SEPTIN9: variants seen among roughly 807,000 people sequenced by gnomAD.
The protein encoded by SEPTIN9 is septin-9.
Under a neutral mutation model 56.6 loss-of-function variants are expected in SEPTIN9, and 13 were observed. The ratio of observed to expected loss-of-function variants is 0.23; its 90% confidence interval spans 0.15 to 0.37. SEPTIN9 has a LOEUF of 0.37. Among genes scored for constraint, SEPTIN9 ranks in the 10% least tolerant of loss-of-function variants. SEPTIN9 has a pLI of 1.00. For missense variants in SEPTIN9, 650 were observed against 823.1 expected, an observed-to-expected ratio of 0.79 and a Z score of 2.57; for synonymous variants, 332 against 334.1, an observed-to-expected ratio of 0.99 and a Z score of 0.07.
At chr17:77,372,782 C>T (rs2034762220) in intron 2 of SEPTIN9, among the ~76,000 whole-genome samples, 1 of 152,028 alleles carries the variant, frequency 6.6e-6, no homozygotes. Flanking sequence ...GAGTTGGTGG[C>T]CTCTCGCTGG....
At chr17:77,290,228 A>G (rs145051321) in intron 1 of SEPTIN9, among the ~76,000 whole-genome samples, 2,549 of 151,594 alleles carry the variant, frequency 0.017, 31 homozygotes, top group Middle Eastern at 0.056. Context: ...GACTGGCTTC[A>G]ACCCTAGAGC....
chr17:77,439,241 C>G (rs2037459830), intron 3 of SEPTIN9, among the ~76,000 whole-genome samples: 1 of 152,126 alleles, frequency 6.6e-6, no homozygotes, highest in Admixed American at 6.5e-5. Context: ...GGACCCCGAG[C>G]AACAGCAGCA....
rs576166530 is a variant in SEPTIN9, at chr17:77,318,527, A to G, written c.76+11330A>G. ...CATTATTCAGCCTTCTCTCGTGACT[A>G]TGATCCCTCCCTTCCTCCCCAGCCT... On this transcript the variant is annotated intron_variant, in intron 2 of 11. Coordinates refer to ENST00000427177, the MANE Select transcript of SEPTIN9 (RefSeq NM_001113491.2). The surrounding 1 kb of genome is among the most constrained non-coding windows in gnomAD (Gnocchi z 4.9). Among the ~76,000 whole-genome samples, 36 of 152,190 alleles carry G rather than the reference A, an allele frequency of 2.4e-4. No individual in the cohort carries two copies. Among genetic ancestry groups the G allele is most frequent in the Admixed American group, 1.4e-3 (22 of 15,274 alleles).
intron 1 of SEPTIN9, among the ~76,000 whole-genome samples, chr17:77,296,456 G>A (rs1258260576): frequency 1.3e-5 from 2 of 152,040 alleles, no homozygotes; most frequent in African/African-American, 4.8e-5. Context: ...GAGAGATAGA[G>A]ACAGACAGAC....
intron 3 of SEPTIN9, among the ~76,000 whole-genome samples, chr17:77,404,054 G>T (rs149450704): frequency 6.8e-4 from 104 of 152,272 alleles, no homozygotes; most frequent in African/African-American, 2.3e-3. Context: ...TTTGTGTCTG[G>T]CTCATTTCAC....
In SEPTIN9 at chr17:77,433,206, C is replaced by G. The variant is rs761236244; in HGVS notation, c.721+30503C>G. Among the ~76,000 whole-genome samples the G allele has an allele frequency of 6.6e-6, 1 of 152,174 alleles. No homozygotes were observed. Among genetic ancestry groups the G allele is most frequent in the Non-Finnish European group, 1.5e-5 (1 of 68,028 alleles). On this transcript the variant is annotated intron_variant, in intron 3 of 11. Coordinates refer to ENST00000427177, the MANE Select transcript of SEPTIN9 (RefSeq NM_001113491.2). The surrounding 1 kb of genome is among the most constrained non-coding windows in gnomAD (Gnocchi z 6.4). The stretch of plus-strand genomic sequence containing the variant: ...GATCCTCCATCCCACCATCTCCAGC[C>G]GTGGTGTCCCTCTCGGTCACAGGAT...
intron 2 of SEPTIN9, among the ~76,000 whole-genome samples, chr17:77,320,763 A>C (rs1016204594): frequency 1.3e-5 from 2 of 152,156 alleles, no homozygotes; most frequent in Admixed American, 1.3e-4. Context: ...CTTCCAGCCA[A>C]AGTCTGTCTT....
At chr17:77,485,195 T>TGAAGGG in intron 4 of SEPTIN9, among the ~76,000 whole-genome samples, 1 of 139,322 alleles carries the variant, frequency 7.2e-6, no homozygotes, top group East Asian at 2.2e-4. Flanking sequence ...GTGGTGGTGG[T>TGAAGGG]GGTGATGGTG....
chr17:77,326,558 G>A lies in SEPTIN9; in HGVS notation c.76+19361G>A, dbSNP rs1416517443. ...CCCTGGGGCGCGGGGGGCTGAGGCC[G>A]GCAGCACGGCAGGAAGTAAGACTGG... On this transcript the variant is annotated intron_variant, in intron 2 of 11. Transcript: ENST00000427177. This position sits in a 1 kb window ranked among gnomAD's most constrained non-coding sequence, Gnocchi z 5.1. Among the ~76,000 whole-genome samples, 1 of 152,218 alleles carries A rather than the reference G, an allele frequency of 6.6e-6. No homozygotes were observed. The highest frequency in any genetic ancestry group is 1.5e-5 in the Non-Finnish European group (1 of 68,046).
At position 77,318,182 on chromosome 17, in the gene SEPTIN9, C is replaced by T. The variant is rs996863462; in HGVS notation, c.76+10985C>T. Reference sequence around the variant, plus strand: ...CCCAGGTGCCAAAAAGGTTGGGGGCCACTGCCTTCATCGCCTGCCCCTTTG... The same window carrying T: ...CCCAGGTGCCAAAAAGGTTGGGGGCTACTGCCTTCATCGCCTGCCCCTTTG... On this transcript the variant is annotated intron_variant, in intron 2 of 11. Coordinates refer to ENST00000427177, the MANE Select transcript of SEPTIN9 (RefSeq NM_001113491.2). This position sits in a 1 kb window ranked among gnomAD's most constrained non-coding sequence, Gnocchi z 4.9. 6.6e-6 allele frequency among the ~76,000 whole-genome samples: 1 copy of T among 152,108 alleles called. No individual in the cohort carries two copies. Among genetic ancestry groups the T allele is most frequent in the Admixed American group, 6.5e-5 (1 of 15,274 alleles).
intron 1 of SEPTIN9, among the ~76,000 whole-genome samples, chr17:77,289,950 A>G (rs113694802): frequency 2.9e-4 from 44 of 152,302 alleles, no homozygotes; most frequent in African/African-American, 7.9e-4. Context: ...TGAAAGGCGT[A>G]TATTTTCAGA....
intron 2 of SEPTIN9, among the ~76,000 whole-genome samples, chr17:77,340,264 C>T (rs748966014): frequency 2.0e-5 from 3 of 151,982 alleles, no homozygotes; most frequent in Admixed American, 6.6e-5. Context: ...CCTCAGCCTC[C>T]CAAGTAGCTG....
chr17:77,286,824 A>G (rs1313542604), intron 1 of SEPTIN9, among the ~76,000 whole-genome samples: 1 of 152,204 alleles, frequency 6.6e-6, no homozygotes, highest in Admixed American at 6.5e-5. Context: ...TCCTGGGCAG[A>G]TCCAGCTGGC....
At chr17:77,352,581 C>T (rs934360414) in intron 2 of SEPTIN9, among the ~76,000 whole-genome samples, 8 of 152,180 alleles carry the variant, frequency 5.3e-5, no homozygotes, top group African/African-American at 1.7e-4. Flanking sequence ...TGGTATTCCT[C>T]GGCTTGCAGC....
At chr17:77,341,819 A>C (rs188935202) in intron 2 of SEPTIN9, among the ~76,000 whole-genome samples, 33 of 149,558 alleles carry the variant, frequency 2.2e-4, no homozygotes, top group African/African-American at 7.8e-4. Context: ...GCAGTGGCTC[A>C]CGCCTGTAAT....
intron 3 of SEPTIN9, among the ~76,000 whole-genome samples, chr17:77,464,981 T>C (rs1249980915): frequency 1.3e-5 from 2 of 152,128 alleles, no homozygotes; most frequent in Non-Finnish European, 2.9e-5. Context: ...CTGCCCCCAT[T>C]AGCCAATCCC....
At position 77,448,432 on chromosome 17, in the gene SEPTIN9, C is replaced by T. The variant is rs1184444734; in HGVS notation, c.722-33712C>T. On this transcript the variant is annotated intron_variant, in intron 3 of 11. Transcript: ENST00000427177. ...CGGAGGTTGCAGTGAGCCAAGATCACGCCATTGCGCTCCAGCCTGGGTGAC... is the reference window on the plus strand; with the variant it reads ...CGGAGGTTGCAGTGAGCCAAGATCATGCCATTGCGCTCCAGCCTGGGTGAC... Among the ~76,000 whole-genome samples, 4 of 151,468 alleles carry T rather than the reference C, an allele frequency of 2.6e-5. No homozygotes were observed. The East Asian group carries it at 5.8e-4, about 22-fold the overall frequency.
chr17:77,497,422 C>T lies in SEPTIN9; in HGVS notation c.1625+56C>T, dbSNP rs2040316099. The T allele has an allele frequency of 3.9e-6, 6 of 1,545,740 alleles. No homozygotes were observed. In the East Asian group the frequency reaches 1.4e-4, roughly 35 times the overall value. The stretch of plus-strand genomic sequence containing the variant: ...CGGCTTCACCCCTAAGAGGGCCCTA[C>T]AGCGGGTGGGGGCAGTGGGTGTGGG... On this transcript the variant is annotated intron_variant, in intron 11 of 11. Transcript: ENST00000427177.
chr17:77,402,893 G>A lies in SEPTIN9; in HGVS notation c.721+190G>A, dbSNP rs2035952462. On this transcript the variant is annotated intron_variant, in intron 3 of 11. Transcript: ENST00000427177. This position sits in a 1 kb window ranked among gnomAD's most constrained non-coding sequence, Gnocchi z 6.6. Reference sequence around the variant, plus strand: ...AGAGGTGGCTCTCTCTGTCTGATGGGAACATGCCAAGATGCCCCAAGCGGG... The same window carrying A: ...AGAGGTGGCTCTCTCTGTCTGATGGAAACATGCCAAGATGCCCCAAGCGGG... Among the ~76,000 whole-genome samples, 1 of 152,204 alleles carries A rather than the reference G, an allele frequency of 6.6e-6. No individual in the cohort carries two copies. Among genetic ancestry groups the A allele is most frequent in the Admixed American group, 6.5e-5 (1 of 15,288 alleles).
Sources: allele counts gnomAD v4.1 joint callset (sites outside exome capture counted in the v4.1 genomes callset), GRCh38; gene constraint gnomAD v4.1.1; non-coding constraint Gnocchi (gnomAD v3.1); transcripts MANE v1.5; gene names NCBI Gene and HGNC (gene_info 2026-07-23, HGNC 2026-07-21).